DPYD: variants seen among roughly 807,000 people sequenced by gnomAD.
The protein encoded by DPYD is dihydropyrimidine dehydrogenase [NADP(+)].
DPYD carries 109 observed loss-of-function variants against 116.2 expected under a neutral mutation model. The observed-to-expected ratio is 0.94, with a 90% CI of 0.80 to 1.10. The LOEUF (loss-of-function observed/expected upper bound fraction) is 1.10. Ranked by LOEUF, DPYD falls within the 50% of genes least tolerant of loss-of-function variation. The pLI is 0.00. For missense variants in DPYD, 1,302 were observed against 1,254.5 expected, an observed-to-expected ratio of 1.04 and a Z score of -0.57; for synonymous variants, 440 against 432.0, an observed-to-expected ratio of 1.02 and a Z score of -0.23.
intron 19 of DPYD, among the ~76,000 whole-genome samples, chr1:97,213,225 G>A (rs906108491): frequency 1.3e-5 from 2 of 151,986 alleles, no homozygotes; most frequent in Non-Finnish European, 2.9e-5. Context: ...ATTTTGGGGG[G>A]ACACAAACAT....
intron 21 of DPYD, among the ~76,000 whole-genome samples, chr1:97,095,542 G>T (rs1570444903): frequency 6.6e-6 from 1 of 151,740 alleles, no homozygotes; most frequent in East Asian, 1.9e-4. Context: ...GGTAGAAAAG[G>T]TTAACCTAAG....
At chr1:97,289,384 A>C (rs1665970563) in intron 18 of DPYD, among the ~76,000 whole-genome samples, 1 of 152,202 alleles carries the variant, frequency 6.6e-6, no homozygotes, top group South Asian at 2.1e-4. Context: ...GACACAATCG[A>C]AAAAGAGAAT....
rs145068174 is a variant in DPYD at position 97,459,715 on chromosome 1, T to C, written c.1741-9492A>G. On this transcript the variant is annotated intron_variant, in intron 13 of 22. Coordinates refer to ENST00000370192, the MANE Select transcript of DPYD (RefSeq NM_000110.4). ...AAGACATTTCCAACAAAAGGAATTGTGAGCAAATAGTATATGGTAGAGAAA... is the reference window on the plus strand; with the variant it reads ...AAGACATTTCCAACAAAAGGAATTGCGAGCAAATAGTATATGGTAGAGAAA... 4.2e-3 allele frequency among the ~76,000 whole-genome samples: 643 copies of C among 152,220 alleles called. 7 individuals are homozygous for C. The highest frequency in any genetic ancestry group is 0.015 in the African/African-American group (626 of 41,542).
At chr1:97,305,194 A>G (rs1570471675) in intron 18 of DPYD, 65 bp downstream of exon 18, 6 of 1,609,612 alleles carry the variant, frequency 3.7e-6, no homozygotes, top group Non-Finnish European at 5.1e-6. Flanking sequence ...AACTCTTGCA[A>G]CATGACCTTC....
intron 14 of DPYD, among the ~76,000 whole-genome samples, chr1:97,433,559 T>C (rs1351724860): frequency 1.3e-5 from 2 of 152,184 alleles, no homozygotes; most frequent in Non-Finnish European, 2.9e-5. Context: ...TTGTGGCTTA[T>C]ATCTTTTGTT....
At chr1:97,660,615 T>TTCTC (rs539773053) in intron 8 of DPYD, among the ~76,000 whole-genome samples, 1 of 151,642 alleles carries the variant, frequency 6.6e-6, no homozygotes, top group African/African-American at 2.4e-5. Context: ...TCAAGGTTCT[T>TTCTC]TCTCTCTCTC....
Position 97,093,048 on chromosome 1 carries a change from A to G in DPYD, c.2766+5441T>C, listed in dbSNP as rs554896922. The stretch of plus-strand genomic sequence containing the variant: ...CTACTTAGTCTACAGGGCTCCTTAA[A>G]TGTCACTTCCTCAAGGAGGCTTTCA... On this transcript the variant is annotated intron_variant, in intron 21 of 22. Transcript: ENST00000370192. Among the ~76,000 whole-genome samples the G allele has an allele frequency of 2.6e-5, 4 of 152,182 alleles. No individual in the cohort carries two copies. In the South Asian group the frequency reaches 8.3e-4, roughly 32 times the overall value.
chr1:97,751,456 GTGTGTA>G (rs1378639217), intron 3 of DPYD, among the ~76,000 whole-genome samples: 77 of 24,406 alleles, frequency 3.2e-3, no homozygotes, highest in African/African-American at 8.3e-3. Flanking sequence ...GTGTGTGTGT[GTGTGTA>G]TATATATATA....
At chr1:97,283,692 T>C (rs667565) in intron 18 of DPYD, among the ~76,000 whole-genome samples, 61,595 of 151,994 alleles carry the variant, frequency 0.41, 12,712 homozygotes, top group African/African-American at 0.45. Flanking sequence ...TTTTGTCATA[T>C]ATTCAAAGCT....
At chr1:97,744,613 T>G (rs1292534257) in intron 3 of DPYD, among the ~76,000 whole-genome samples, 1 of 152,080 alleles carries the variant, frequency 6.6e-6, no homozygotes, top group African/African-American at 2.4e-5. Flanking sequence ...CAAGAAAGTA[T>G]TCACATTAAA....
chr1:97,351,299 T>A (rs549650025), intron 16 of DPYD, among the ~76,000 whole-genome samples: 66 of 152,190 alleles, frequency 4.3e-4, no homozygotes, highest in African/African-American at 1.5e-3. Context: ...GTGCTTAAAA[T>A]GAACTATATG....
At chr1:97,257,435 G>GTA (rs60425146) in intron 18 of DPYD, among the ~76,000 whole-genome samples, 12,085 of 135,912 alleles carry the variant, frequency 0.089, 656 homozygotes, top group Admixed American at 0.12. Flanking sequence ...ATATACATAC[G>GTA]TATATATATA....
intron 16 of DPYD, among the ~76,000 whole-genome samples, chr1:97,329,417 A>T (rs6698789): frequency 0.23 from 35,352 of 151,894 alleles, 4,294 homozygotes; most frequent in Non-Finnish European, 0.28. Context: ...GTGATGTTTG[A>T]TGAGCACTCT....
In DPYD at chr1:97,694,162, C is replaced by T. The variant is rs935368543; in HGVS notation, c.681-2364G>A. Reference sequence around the variant, plus strand: ...CACCAACACTTAGCACAGTGTTAAACGAATAAGTGTGAGAGAATCCATTTC... The same window carrying T: ...CACCAACACTTAGCACAGTGTTAAATGAATAAGTGTGAGAGAATCCATTTC... On this transcript the variant is annotated intron_variant, in intron 6 of 22. Coordinates refer to ENST00000370192, the MANE Select transcript of DPYD (RefSeq NM_000110.4). 3.9e-5 allele frequency among the ~76,000 whole-genome samples: 6 copies of T among 152,148 alleles called. No homozygotes were observed. The East Asian group carries it at 5.8e-4, about 15-fold the overall frequency.
At chr1:97,143,353 A>T (rs945742283) in intron 20 of DPYD, among the ~76,000 whole-genome samples, 1 of 152,124 alleles carries the variant, frequency 6.6e-6, no homozygotes, top group African/African-American at 2.4e-5. Flanking sequence ...AGTATTTAGG[A>T]CTGAGAACAT....
chr1:97,822,437 G>A (rs1571416388), intron 3 of DPYD, among the ~76,000 whole-genome samples: 1 of 148,064 alleles, frequency 6.8e-6, no homozygotes, highest in East Asian at 1.9e-4. Flanking sequence ...ATATATTTAT[G>A]TTATATACAT....
At chr1:97,468,833 T>G (rs1198033017) in intron 13 of DPYD, among the ~76,000 whole-genome samples, 1 of 152,158 alleles carries the variant, frequency 6.6e-6, no homozygotes, top group Non-Finnish European at 1.5e-5. Context: ...GTTTTAAGGA[T>G]GAAGGATGAA....
intron 5 of DPYD, among the ~76,000 whole-genome samples, chr1:97,707,085 T>C (rs1004231683): frequency 2.0e-5 from 3 of 152,056 alleles, no homozygotes; most frequent in African/African-American, 2.4e-5. Flanking sequence ...TCAATTCGTA[T>C]GTTGAAAACT....
chr1:97,315,608 G>A (rs972595788), intron 16 of DPYD, among the ~76,000 whole-genome samples: 2 of 152,054 alleles, frequency 1.3e-5, no homozygotes, highest in Non-Finnish European at 2.9e-5. Context: ...AGAGGATTAC[G>A]CTATATTCTA....
Sources: gnomAD v4.1 joint callset for allele counts (sites outside exome capture counted in the v4.1 genomes callset) on GRCh38, gnomAD v4.1.1 for gene constraint, MANE v1.5 for transcripts, NCBI Gene and HGNC (gene_info 2026-07-23, HGNC 2026-07-21) for gene names.